Variants in CEP63 observed in about 807,000 individuals in gnomAD.
The protein encoded by CEP63 is centrosomal protein 63, also known as centrosomal protein of 63 kDa.
CEP63 carries 84 observed loss-of-function variants against 89.1 expected under a neutral mutation model. That is an observed-to-expected ratio of 0.94 (90% CI 0.79 to 1.13). The LOEUF (loss-of-function observed/expected upper bound fraction) is 1.13. Among genes scored for constraint, CEP63 ranks in the 50% most tolerant of loss-of-function variants. The pLI is 0.00. For missense variants in CEP63, 838 were observed against 813.3 expected (o/e 1.03, Z -0.37); for synonymous variants, 267 against 272.5 (o/e 0.98, Z 0.20).
chr3:134,627,326 G>C, the CEP63 span, among the ~76,000 whole-genome samples: 1 of 152,198 alleles, frequency 6.6e-6, no homozygotes, highest in African/African-American at 2.4e-5. Flanking sequence ...CTGAGGCACA[G>C]GGAAGGCAAA....
chr3:134,580,952 T>C (rs1430242954), intron 10 of CEP63, among the ~76,000 whole-genome samples: 1 of 140,346 alleles, frequency 7.1e-6, no homozygotes, highest in Admixed American at 7.3e-5. Context: ...TTGGGTCTCA[T>C]GTAATCACAG....
At chr3:134,644,985 A>C in the CEP63 span, among the ~76,000 whole-genome samples, 1 of 152,250 alleles carries the variant, frequency 6.6e-6, no homozygotes, top group Non-Finnish European at 1.5e-5. Context: ...TTCTGCAGGC[A>C]CAGCTGGCAG....
chr3:134,751,599 TG>T, the CEP63 span, among the ~76,000 whole-genome samples: 1 of 152,148 alleles, frequency 6.6e-6, no homozygotes, highest in South Asian at 2.1e-4. Flanking sequence ...CACTCATAGA[TG>T]GTGGGAGATG....
the CEP63 span, among the ~76,000 whole-genome samples, chr3:134,751,564 A>C: frequency 1.3e-5 from 2 of 152,066 alleles, no homozygotes; most frequent in Non-Finnish European, 2.9e-5. Flanking sequence ...CCATGGGTGA[A>C]TGGCTGTGCT....
intron 6 of CEP63, 108 bp from the exon 7 acceptor site, chr3:134,545,478 G>A: frequency 1.2e-6 from 1 of 821,848 alleles, no homozygotes; most frequent in Non-Finnish European, 2.0e-6. Flanking sequence ...ATATTTTAGT[G>A]AGCCAATGCT....
the CEP63 span, among the ~76,000 whole-genome samples, chr3:134,596,339 T>C: frequency 1.3e-5 from 2 of 152,328 alleles, no homozygotes; most frequent in East Asian, 1.9e-4. Context: ...TTGTTCTATC[T>C]TCCAAGTAGT....
the CEP63 span, among the ~76,000 whole-genome samples, chr3:134,638,642 C>T: frequency 1.3e-5 from 2 of 152,238 alleles, no homozygotes; most frequent in African/African-American, 2.4e-5. Flanking sequence ...GCCAGCTCTC[C>T]TTGCTTTTCC....
the CEP63 span, among the ~76,000 whole-genome samples, chr3:134,760,709 A>G: frequency 1.3e-5 from 2 of 152,236 alleles, no homozygotes; most frequent in African/African-American, 4.8e-5. Flanking sequence ...ACATAGCTAT[A>G]ATAGTTGGTG....
chr3:134,561,959 C>G lies in CEP63; in HGVS notation c.*424C>G, dbSNP rs772713702. The G allele has an allele frequency of 1.9e-5, 19 of 1,018,572 alleles. No homozygotes were observed. Among genetic ancestry groups the G allele is most frequent in the Non-Finnish European group, 2.1e-5 (18 of 850,224 alleles). 63.1% of individuals were successfully genotyped at this position (1,018,572 alleles called of 1,614,324 possible). ...GGTCAAACATACCTGGATCGATAGA[C>G]TGGTTTTGCCACTTACCAGCCAACG... On this transcript the variant is annotated 3_prime_UTR_variant, in exon 15 of 15. Transcript: ENST00000675561.
At chr3:134,663,760 G>C in the CEP63 span, among the ~76,000 whole-genome samples, 1 of 152,226 alleles carries the variant, frequency 6.6e-6, no homozygotes, top group Non-Finnish European at 1.5e-5. Flanking sequence ...CACCAGGCCT[G>C]AGTTACCTCA....
At chr3:134,731,916 A>C in the CEP63 span, among the ~76,000 whole-genome samples, 1 of 152,346 alleles carries the variant, frequency 6.6e-6, no homozygotes, top group East Asian at 1.9e-4. Flanking sequence ...TCTGGAACAT[A>C]GTAGTTCATA....
chr3:134,578,501 T>TTTCA (rs1958271162), downstream of CEP63, among the ~76,000 whole-genome samples: 1 of 152,068 alleles, frequency 6.6e-6, no homozygotes. Context: ...TGGCTAATTT[T>TTTCA]TGTATTTTTG....
At chr3:134,522,426 G>A (rs1483418914) in intron 3 of CEP63, among the ~76,000 whole-genome samples, 1 of 152,154 alleles carries the variant, frequency 6.6e-6, no homozygotes, top group Non-Finnish European at 1.5e-5. Flanking sequence ...GAGAGTGATT[G>A]TGAAGCGTTG....
At chr3:134,556,046 G>A in intron 12 of CEP63, among the ~76,000 whole-genome samples, 1 of 148,746 alleles carries the variant, frequency 6.7e-6, no homozygotes, top group South Asian at 2.2e-4. Flanking sequence ...TTTAATAAAT[G>A]GTGCTGGGAA....
At chr3:134,686,956 G>A in the CEP63 span, among the ~76,000 whole-genome samples, 1 of 152,156 alleles carries the variant, frequency 6.6e-6, no homozygotes, top group South Asian at 2.1e-4. Context: ...CCTCCTCCAT[G>A]CAGAGTCTGA....
the CEP63 span, among the ~76,000 whole-genome samples, chr3:134,699,554 G>T: frequency 6.6e-6 from 1 of 152,106 alleles, no homozygotes; most frequent in Non-Finnish European, 1.5e-5. Context: ...CAAACACTTT[G>T]TTCTTGGCTT....
At chr3:134,486,284 G>T in intron 1 of CEP63, 82 bp downstream of exon 1, 11 of 985,604 alleles carry the variant, frequency 1.1e-5, no homozygotes, top group Non-Finnish European at 1.2e-5. Context: ...AGGGGCTGCC[G>T]TGTCCTGGTC....
the CEP63 span, among the ~76,000 whole-genome samples, chr3:134,680,169 G>T: frequency 1.3e-5 from 2 of 152,028 alleles, no homozygotes; most frequent in African/African-American, 4.8e-5. Context: ...CCAACGTCTT[G>T]ATCTTGGACT....
At chr3:134,510,231 A>T (rs1487279907) in intron 3 of CEP63, among the ~76,000 whole-genome samples, 3 of 152,248 alleles carry the variant, frequency 2.0e-5, no homozygotes, top group Non-Finnish European at 4.4e-5. Context: ...GTAGCTGTTG[A>T]AGTCATTTCC....
Sources: gnomAD v4.1 joint callset for allele counts (sites outside exome capture counted in the v4.1 genomes callset) on GRCh38, gnomAD v4.1.1 for gene constraint, MANE v1.5 for transcripts, NCBI Gene and HGNC (gene_info 2026-07-23, HGNC 2026-07-21) for gene names.